Variants in PCDH15 observed in about 807,000 individuals in gnomAD.
The protein encoded by PCDH15 is protocadherin-15.
PCDH15 carries 129 observed loss-of-function variants against 178.5 expected under a neutral mutation model. The ratio of observed to expected loss-of-function variants is 0.72; its 90% confidence interval spans 0.63 to 0.84. The LOEUF is 0.84. Among genes scored for constraint, PCDH15 ranks in the 40% least tolerant of loss-of-function variants. The pLI is 0.00. For missense variants in PCDH15, 2,230 were observed against 2,099.9 expected (o/e 1.06, Z -1.21); for synonymous variants, 800 against 732.0 (o/e 1.09, Z -1.50).
intron 2 of PCDH15, among the ~76,000 whole-genome samples, chr10:54,648,715 T>C (rs1392942478): frequency 6.6e-6 from 1 of 152,150 alleles, no homozygotes; most frequent in Non-Finnish European, 1.5e-5. Flanking sequence ...AAACCTGATG[T>C]TAGCATAACA....
intron 2 of PCDH15, among the ~76,000 whole-genome samples, chr10:55,159,538 A>T (rs892244403): frequency 6.7e-6 from 1 of 149,544 alleles, no homozygotes; most frequent in African/African-American, 2.4e-5. Flanking sequence ...TTAGACTAGG[A>T]CGTGACAAAA....
Position 54,535,709 on chromosome 10 carries a change from C to CAAAAAAAAAAAAAA in PCDH15, c.92-7846_92-7833dup, listed in dbSNP as rs71010382. On this transcript the variant is annotated intron_variant, in intron 2 of 37. Coordinates refer to ENST00000644397, the MANE Select transcript of PCDH15 (RefSeq NM_001384140.1). ...TGGCAGACAGAGCGAGACTCCACCT[C>CAAAAAAAAAAAAAA]AAAAAAAAAAAAAAAAAAAAAAAAA... Among the ~76,000 whole-genome samples the CAAAAAAAAAAAAAA allele has an allele frequency of 4.7e-5, 2 of 42,618 alleles. 1 individual carries two copies. Among genetic ancestry groups the CAAAAAAAAAAAAAA allele is most frequent in the Non-Finnish European group, 7.9e-5 (2 of 25,216 alleles). The allele number at this position is 42,618 out of a possible 152,430, so 28.0% of individuals were successfully genotyped here. A position where few individuals can be genotyped will look rare whatever the true frequency, so the allele number is the denominator to read the frequency against.
At chr10:54,435,772 C>T (rs1194248584) in intron 3 of PCDH15, among the ~76,000 whole-genome samples, 3 of 151,902 alleles carry the variant, frequency 2.0e-5, no homozygotes, top group Non-Finnish European at 4.4e-5. Flanking sequence ...AAATCGAGAC[C>T]ATCCTGGCTA....
At chr10:55,320,649 C>A (rs891819888), upstream of PCDH15, among the ~76,000 whole-genome samples, 1 of 152,074 alleles carries the variant, frequency 6.6e-6, no homozygotes, top group Non-Finnish European at 1.5e-5. Context: ...TGCCACCCCC[C>A]CCAGAATTAG....
At chr10:53,879,752 G>A (rs535132087) in intron 26 of PCDH15, among the ~76,000 whole-genome samples, 2 of 152,212 alleles carry the variant, frequency 1.3e-5, no homozygotes, top group Non-Finnish European at 2.9e-5. Context: ...CTACAGGCGC[G>A]CACCACCACG....
In PCDH15 at chr10:54,896,831, T is replaced by TAA. The variant is rs149598111; in HGVS notation, c.-29+617_-29+618dup. Among the ~76,000 whole-genome samples, 5 of 151,824 alleles carry TAA rather than the reference T, an allele frequency of 3.3e-5. No homozygotes were observed. In the South Asian group the frequency reaches 6.2e-4, roughly 19 times the overall value. On this transcript the variant is annotated intron_variant, in intron 3 of 5. Transcript: ENST00000458638. ...TATTTTCCCCTAATAATATACAAAG[T>TAA]AAAAAAAACAATGTTTCTAATATTA...
At chr10:55,306,529 A>T (rs1357365502) in intron 1 of PCDH15, among the ~76,000 whole-genome samples, 2 of 152,162 alleles carry the variant, frequency 1.3e-5, no homozygotes, top group Non-Finnish European at 2.9e-5. Flanking sequence ...GGCAGTAAAA[A>T]CTGTGATAAT....
chr10:54,568,600 A>C (rs1337321628), intron 2 of PCDH15: 1 of 152,110 alleles, frequency 6.6e-6, no homozygotes, highest in Non-Finnish European at 1.5e-5. Flanking sequence ...AACCTGCTAT[A>C]CTGAGAGGAC....
intron 8 of PCDH15, among the ~76,000 whole-genome samples, chr10:54,308,787 C>T (rs973726018): frequency 2.0e-5 from 3 of 151,786 alleles, no homozygotes; most frequent in Non-Finnish European, 4.4e-5. Flanking sequence ...TCCCCTATTC[C>T]CCGACCCCCA....
chr10:55,627,346 T>C (rs1837549494), intron 2 of PCDH15, among the ~76,000 whole-genome samples: 1 of 151,984 alleles, frequency 6.6e-6, no homozygotes, highest in Admixed American at 6.6e-5. Context: ...TAAAATCAAG[T>C]TGGACATTCT....
intron 1 of PCDH15, among the ~76,000 whole-genome samples, chr10:55,186,346 TA>T: frequency 6.6e-6 from 1 of 151,484 alleles, no homozygotes; most frequent in Non-Finnish European, 1.5e-5. Flanking sequence ...TTGTATTTTT[TA>T]AAAAACCAAT....
chr10:55,534,213 G>A (rs991103366), intron 2 of PCDH15, among the ~76,000 whole-genome samples: 6 of 151,992 alleles, frequency 3.9e-5, no homozygotes, highest in African/African-American at 1.4e-4. Context: ...CAACAAAAAC[G>A]AAAATTGATG....
chr10:54,301,902 C>T (rs2060171786), intron 8 of PCDH15, among the ~76,000 whole-genome samples: 1 of 152,112 alleles, frequency 6.6e-6, no homozygotes, highest in South Asian at 2.1e-4. Flanking sequence ...TGTCTTTTCT[C>T]ATTTATCTTT....
chr10:53,805,122 C>CATA lies in PCDH15; in HGVS notation c.*1454_*1456dup, dbSNP rs1253429072. On this transcript the variant is annotated 3_prime_UTR_variant, in exon 38 of 38. Transcript: ENST00000644397. ...ATTCACTTTGGAAATGAGGAAATAG[C>CATA]ATAATAATAAACAATTTTTAAGACG... 6.6e-6 allele frequency: 1 copy of CATA among 151,858 alleles called. No individual in the cohort carries two copies. The highest frequency in any genetic ancestry group is 1.5e-5 in the Non-Finnish European group (1 of 67,922). The allele number at this position is 151,858 out of a possible 1,614,324, so 9.4% of individuals were successfully genotyped here. A position where few individuals can be genotyped will look rare whatever the true frequency, so the allele number is the denominator to read the frequency against.
At chr10:54,682,480 T>C (rs572899846) in intron 1 of PCDH15, among the ~76,000 whole-genome samples, 1 of 152,292 alleles carries the variant, frequency 6.6e-6, no homozygotes, top group South Asian at 2.1e-4. Flanking sequence ...AATTGGTCAT[T>C]TATATAATGG....
intron 2 of PCDH15, among the ~76,000 whole-genome samples, chr10:54,954,350 A>T (rs1299046180): frequency 6.6e-6 from 1 of 151,122 alleles, no homozygotes; most frequent in Non-Finnish European, 1.5e-5. Context: ...TCTCAAAAAA[A>T]ATTCTAATAT....
intron 2 of PCDH15, among the ~76,000 whole-genome samples, chr10:54,966,088 T>C (rs1433516499): frequency 6.6e-6 from 1 of 151,550 alleles, no homozygotes; most frequent in Admixed American, 6.6e-5. Flanking sequence ...ATACAGAATA[T>C]TCTATAGGAA....
At chr10:54,423,567 G>T (rs1955828422) in intron 3 of PCDH15, among the ~76,000 whole-genome samples, 1 of 151,794 alleles carries the variant, frequency 6.6e-6, no homozygotes, top group Non-Finnish European at 1.5e-5. Context: ...CAGGAAGTCT[G>T]AACTTGTTGA....
chr10:54,172,016 T>C (rs2046964316), intron 13 of PCDH15, among the ~76,000 whole-genome samples: 1 of 151,776 alleles, frequency 6.6e-6, no homozygotes, highest in Non-Finnish European at 1.5e-5. Context: ...ACTTCAACAC[T>C]ATTTTGTTTT....
Sources: allele counts gnomAD v4.1 joint callset (sites outside exome capture counted in the v4.1 genomes callset), GRCh38; gene constraint gnomAD v4.1.1; transcripts MANE v1.5; gene names NCBI Gene and HGNC (gene_info 2026-07-23, HGNC 2026-07-21).